MSI2: variants seen among roughly 807,000 people sequenced by gnomAD.
MSI2 encodes RNA-binding protein Musashi homolog 2.
Under a neutral mutation model 45.6 loss-of-function variants are expected in MSI2, and 17 were observed. That is an observed-to-expected ratio of 0.37 (90% CI 0.26 to 0.56). The LOEUF (loss-of-function observed/expected upper bound fraction) is 0.56, where lower values mean the gene tolerates loss of function less well. Among genes scored for constraint, MSI2 ranks in the 20% least tolerant of loss-of-function variants. MSI2 has a pLI of 0.77. For missense variants in MSI2, 293 were observed against 444.2 expected, an observed-to-expected ratio of 0.66 and a Z score of 3.06; for synonymous variants, 156 against 158.2, an observed-to-expected ratio of 0.99 and a Z score of 0.11.
intron 5 of MSI2, among the ~76,000 whole-genome samples, chr17:57,380,882 G>A (rs2144025092): frequency 6.6e-6 from 1 of 152,180 alleles, no homozygotes; most frequent in Admixed American, 6.5e-5. Context: ...TATCCTTCTG[G>A]CTTTCTCTCT....
intron 8 of MSI2, among the ~76,000 whole-genome samples, chr17:57,605,184 G>A (rs1210059111): frequency 6.6e-6 from 1 of 152,240 alleles, no homozygotes; most frequent in Admixed American, 6.5e-5. Flanking sequence ...GTTTACGTGG[G>A]AGAGGGAGAG....
chr17:57,477,145 GGTGTGTGTGTGTGTGTGT>G (rs59127306), intron 6 of MSI2, among the ~76,000 whole-genome samples: 12,729 of 118,736 alleles, frequency 0.11, 794 homozygotes, highest in East Asian at 0.26. Context: ...CATAAGGCCT[GGTGTGTGTGTGTGTGTGT>G]GTGTGTGTGT....
At chr17:57,512,630 G>C (rs1598351210) in intron 6 of MSI2, among the ~76,000 whole-genome samples, 1 of 152,232 alleles carries the variant, frequency 6.6e-6, no homozygotes, top group Middle Eastern at 3.2e-3. Flanking sequence ...GTCGGCACAA[G>C]CCTGTCTGTC....
chr17:57,688,277 G>T (rs1288155868), downstream of MSI2, among the ~76,000 whole-genome samples: 1 of 152,014 alleles, frequency 6.6e-6, no homozygotes, highest in Non-Finnish European at 1.5e-5. Flanking sequence ...AAAATAAAAT[G>T]AATACAGAAA....
At chr17:57,676,465 C>G (rs1290365329) in intron 12 of MSI2, among the ~76,000 whole-genome samples, 1 of 152,160 alleles carries the variant, frequency 6.6e-6, no homozygotes, top group Non-Finnish European at 1.5e-5. Flanking sequence ...TTTAGGGGAC[C>G]GTCTATCACC....
intron 5 of MSI2, among the ~76,000 whole-genome samples, chr17:57,302,938 A>G (rs1445338815): frequency 2.0e-5 from 3 of 152,194 alleles, no homozygotes; most frequent in South Asian, 2.1e-4. Context: ...TAGAAACCCC[A>G]AGGTAGAAAC....
intron 11 of MSI2, among the ~76,000 whole-genome samples, chr17:57,657,992 C>G (rs1465443461): frequency 6.6e-6 from 1 of 152,196 alleles, no homozygotes; most frequent in African/African-American, 2.4e-5. Context: ...CTCAGAATGA[C>G]CACTGTCAGC....
intron 5 of MSI2, among the ~76,000 whole-genome samples, chr17:57,379,627 T>C (rs1056020974): frequency 2.6e-5 from 4 of 152,130 alleles, no homozygotes; most frequent in Non-Finnish European, 4.4e-5. Flanking sequence ...CCCTTTTACC[T>C]CTCACCACAG....
At chr17:57,624,746 A>C (rs1448159558) in intron 9 of MSI2, among the ~76,000 whole-genome samples, 1 of 152,124 alleles carries the variant, frequency 6.6e-6, no homozygotes, top group African/African-American at 2.4e-5. Context: ...GTTCTGGGGG[A>C]AGCAAGGGAA....
At chr17:57,332,802 G>T (rs987427785) in intron 5 of MSI2, among the ~76,000 whole-genome samples, 8 of 152,290 alleles carry the variant, frequency 5.3e-5, no homozygotes, top group African/African-American at 1.9e-4. Context: ...AAGGCGGGTG[G>T]ATCACGAGGT....
chr17:57,283,177 T>C (rs1172734215), intron 5 of MSI2, among the ~76,000 whole-genome samples: 1 of 152,162 alleles, frequency 6.6e-6, no homozygotes, highest in Non-Finnish European at 1.5e-5. Context: ...TCCACTCCCT[T>C]TCTTTTCCCT....
chr17:57,402,447 G>A lies in MSI2; in HGVS notation c.405+976G>A, dbSNP rs116252520. ...TGACATGGGAGAGAGCTGCTGAGGC[G>A]TCCTGAGAAGACACAGTGCCCGTGC... On this transcript the variant is annotated intron_variant, in intron 6 of 13. Transcript: ENST00000284073. Among the ~76,000 whole-genome samples the A allele has an allele frequency of 3.8e-3, 583 of 152,308 alleles. 2 individuals are homozygous for A. The highest frequency in any genetic ancestry group is 0.012 in the African/African-American group (501 of 41,558).
chr17:57,643,758 C>T (rs1309579006), intron 10 of MSI2, among the ~76,000 whole-genome samples: 1 of 152,268 alleles, frequency 6.6e-6, no homozygotes, highest in Non-Finnish European at 1.5e-5. Context: ...GAGTTACATA[C>T]ATATCTTTTT....
intron 6 of MSI2, among the ~76,000 whole-genome samples, chr17:57,442,362 A>G (rs2084816449): frequency 3.3e-5 from 5 of 152,184 alleles, no homozygotes; most frequent in Admixed American, 3.3e-4. Flanking sequence ...TAAACCTTCT[A>G]GAGACATTTG....
chr17:57,627,359 G>A lies in MSI2; in HGVS notation c.727+56G>A, dbSNP rs753109316. 6 of 1,502,496 alleles carry A rather than the reference G, an allele frequency of 4.0e-6. No homozygotes were observed. The highest frequency in any genetic ancestry group is 4.6e-6 in the Non-Finnish European group (5 of 1,078,384). 93.1% of individuals were successfully genotyped at this position (1,502,496 alleles called of 1,614,324 possible). A position where few individuals can be genotyped will look rare whatever the true frequency, so the allele number is the denominator to read the frequency against. Reference sequence around the variant, plus strand: ...AGCACAAGAGGTGGGCTGCATTTGCGGGGAGGTGAGAGGACCCCTAAAGAG... The same window carrying A: ...AGCACAAGAGGTGGGCTGCATTTGCAGGGAGGTGAGAGGACCCCTAAAGAG... On this transcript the variant is annotated intron_variant, in intron 10 of 13. Coordinates refer to ENST00000284073, the MANE Select transcript of MSI2 (RefSeq NM_138962.4). The surrounding 1 kb of genome is among the most constrained non-coding windows in gnomAD (Gnocchi z 4.6).
chr17:57,351,201 A>C (rs1916003426), intron 5 of MSI2, among the ~76,000 whole-genome samples: 1 of 152,088 alleles, frequency 6.6e-6, no homozygotes, highest in Admixed American at 6.5e-5. Flanking sequence ...GCAAGGCACA[A>C]GCAGGGAGGA....
At chr17:57,507,241 G>A (rs992463526) in intron 6 of MSI2, among the ~76,000 whole-genome samples, 12 of 108,372 alleles carry the variant, frequency 1.1e-4, no homozygotes, top group Admixed American at 6.0e-4. Flanking sequence ...GTGTGTGTGT[G>A]TGTGTGTGTG....
chr17:57,604,523 C>G (rs1213304709), intron 8 of MSI2, among the ~76,000 whole-genome samples: 2 of 152,020 alleles, frequency 1.3e-5, no homozygotes, highest in African/African-American at 4.8e-5. Flanking sequence ...GGTGCACCTC[C>G]CAAAGCAGGA....
At chr17:57,376,922 CTTTT>C (rs1209135893) in intron 5 of MSI2, among the ~76,000 whole-genome samples, 2 of 123,960 alleles carry the variant, frequency 1.6e-5, no homozygotes, top group Admixed American at 8.1e-5. Context: ...CTGCAAGTGC[CTTTT>C]TTTTTTTTTT....
Sources: allele counts gnomAD v4.1 joint callset (sites outside exome capture counted in the v4.1 genomes callset), GRCh38; gene constraint gnomAD v4.1.1; non-coding constraint Gnocchi (gnomAD v3.1); transcripts MANE v1.5; gene names NCBI Gene and HGNC (gene_info 2026-07-23, HGNC 2026-07-21).